The following ADAM7 variants were observed in gnomAD, a reference collection of about 807,000 sequenced individuals.
ADAM7 encodes disintegrin and metalloproteinase domain-containing protein 7.
ADAM7 carries 97 observed loss-of-function variants against 102.9 expected under a neutral mutation model. The observed-to-expected ratio is 0.94, with a 90% CI of 0.80 to 1.12. The LOEUF (loss-of-function observed/expected upper bound fraction) is 1.12, where lower values mean the gene tolerates loss of function less well. ADAM7 is among the 50% of genes most tolerant of loss of function. The pLI is 0.00. For missense variants in ADAM7, 991 were observed against 908.7 expected (o/e 1.09, Z -1.16); for synonymous variants, 334 against 304.4 (o/e 1.10, Z -1.01).
Position 24,493,974 on chromosome 8 carries a change from T to C in ADAM7, c.1842+745T>C, listed in dbSNP as rs150172639. ...GGTCCAAATTGGAAAGAGTTTTTTATGGCAAGATGACAACATTAGAATGCA... is the reference window on the plus strand; with the variant it reads ...GGTCCAAATTGGAAAGAGTTTTTTACGGCAAGATGACAACATTAGAATGCA... On this transcript the variant is annotated intron_variant, in intron 16 of 21. Transcript: ENST00000175238. Among the ~76,000 whole-genome samples, 7 of 152,310 alleles carry C rather than the reference T, an allele frequency of 4.6e-5. No homozygotes were observed. In the East Asian group the frequency reaches 9.6e-4, roughly 21 times the overall value.
chr8:24,507,590 A>G (rs113943429), intron 21 of ADAM7, 55 bp downstream of exon 21: 34 of 1,426,568 alleles, frequency 2.4e-5, no homozygotes, highest in African/African-American at 2.0e-4. Context: ...ATGCTGGCAT[A>G]GTTTTGTGTT....
rs1820945634 is a variant in ADAM7, at chr8:24,506,216, A to G, written c.2209-1264A>G. On this transcript the variant is annotated intron_variant, in intron 20 of 21. Transcript: ENST00000175238. ...TATGTCCTTTCCAATAATAATTTTC[A>G]TGAAACTTAATCATTTGTTGGTTCC... The G allele has an allele frequency of 3.1e-6, 4 of 1,290,372 alleles. No homozygotes were observed. In the South Asian group the frequency reaches 3.9e-5, roughly 13 times the overall value. 79.9% of individuals were successfully genotyped at this position (1,290,372 alleles called of 1,614,324 possible).
chr8:24,491,015 C>A, intron 13 of ADAM7, 127 bp downstream of exon 13: 2 of 862,148 alleles, frequency 2.3e-6, no homozygotes, highest in Non-Finnish European at 3.6e-6. Context: ...TGCAAGTACC[C>A]AACAGAGATT....
chr8:24,486,653 G>GC (rs1432744603), intron 10 of ADAM7, among the ~76,000 whole-genome samples: 4 of 152,122 alleles, frequency 2.6e-5, no homozygotes, highest in Non-Finnish European at 5.9e-5. Flanking sequence ...GTCTGGTGAA[G>GC]CCCTGTCTGG....
At chr8:24,467,917 G>A (rs565563815) in intron 6 of ADAM7, among the ~76,000 whole-genome samples, 2 of 151,656 alleles carry the variant, frequency 1.3e-5, no homozygotes, top group African/African-American at 4.8e-5. Context: ...TACAAAATTT[G>A]GCCAGGCAGT....
chr8:24,446,359 T>C (rs1184910073), intron 2 of ADAM7, among the ~76,000 whole-genome samples: 3 of 152,214 alleles, frequency 2.0e-5, no homozygotes, highest in Admixed American at 6.5e-5. Flanking sequence ...AAAATATTTG[T>C]ATTAATCATA....
At chr8:24,507,387 A>C (rs1053037973) in intron 20 of ADAM7, 93 bp from the exon 21 acceptor site, 10 of 991,598 alleles carry the variant, frequency 1.0e-5, no homozygotes, top group Non-Finnish European at 1.6e-6. Flanking sequence ...GTATGTGCTC[A>C]TGTGTATGTG....
At chr8:24,451,591 A>G (rs1183134014) in intron 3 of ADAM7, among the ~76,000 whole-genome samples, 5 of 152,036 alleles carry the variant, frequency 3.3e-5, no homozygotes, top group African/African-American at 4.8e-5. Context: ...TGATCCTTTC[A>G]AAAAACCAGC....
intron 17 of ADAM7, 84 bp from the exon 18 acceptor site, chr8:24,500,094 T>C (rs1820703406): frequency 8.3e-7 from 1 of 1,200,250 alleles, no homozygotes. Context: ...GTATGTTTGA[T>C]GTAGAGGTAG....
chr8:24,500,050 C>T (rs1050542342), intron 17 of ADAM7, 128 bp from the exon 18 acceptor site: 17 of 615,352 alleles, frequency 2.8e-5, no homozygotes, highest in Non-Finnish European at 3.7e-5. Flanking sequence ...GTTTAATAAA[C>T]GAATAAAAAG....
chr8:24,445,028 TTAA>T (rs1314778036), intron 2 of ADAM7, among the ~76,000 whole-genome samples: 13 of 152,174 alleles, frequency 8.5e-5, no homozygotes, highest in Non-Finnish European at 1.8e-4. Context: ...AAAAACAGTA[TTAA>T]TGACACAATT....
In ADAM7 at chr8:24,496,055, G is replaced by T. The variant is rs955132075; in HGVS notation, c.1842+2826G>T. On this transcript the variant is annotated intron_variant, in intron 16 of 21. Transcript: ENST00000175238. ...TAGGAGAAAATGGTTTAGTGGGCCA[G>T]GCCCAGGGTCCCCGTGCTGTGTGCA... is the stretch of plus-strand genomic sequence containing the variant. Among the ~76,000 whole-genome samples the T allele has an allele frequency of 2.6e-5, 4 of 152,314 alleles. No individual in the cohort carries two copies. The South Asian group carries it at 8.3e-4, about 32-fold the overall frequency.
intron 10 of ADAM7, among the ~76,000 whole-genome samples, chr8:24,486,551 A>G (rs537442363): frequency 1.3e-5 from 2 of 152,268 alleles, no homozygotes; most frequent in South Asian, 4.1e-4. Flanking sequence ...TAGCTGCTGT[A>G]ACAAAATATC....
Position 24,472,255 on chromosome 8 carries a change from A to G in ADAM7, c.633+3435A>G, listed in dbSNP as rs144995483. 2.8e-3 allele frequency among the ~76,000 whole-genome samples: 423 copies of G among 152,104 alleles called. 2 individuals carry two copies. The highest frequency in any genetic ancestry group is 1.0e-2 in the African/African-American group (415 of 41,562). ...TTTGAACCACATAAATGCAAGTTTCATTTAACCAACTGATATACTACCTTG... is the reference window on the plus strand; with the variant it reads ...TTTGAACCACATAAATGCAAGTTTCGTTTAACCAACTGATATACTACCTTG... On this transcript the variant is annotated intron_variant, in intron 7 of 21. Transcript: ENST00000175238.
At chr8:24,506,897 G>T (rs1302318804) in intron 20 of ADAM7, among the ~76,000 whole-genome samples, 1 of 152,024 alleles carries the variant, frequency 6.6e-6, no homozygotes, top group East Asian at 1.9e-4. Context: ...AGAACTGGGC[G>T]CTGAATACAC....
intron 6 of ADAM7, chr8:24,467,318 A>ATT (rs150576808): frequency 1.8e-3 from 583 of 332,990 alleles, no homozygotes; most frequent in Non-Finnish European, 2.5e-3. Flanking sequence ...CTTCCCTGCC[A>ATT]TTTTTTTTTG....
At chr8:24,503,003 T>G (rs1195269620) in intron 20 of ADAM7, among the ~76,000 whole-genome samples, 1 of 152,144 alleles carries the variant, frequency 6.6e-6, no homozygotes, top group African/African-American at 2.4e-5. Flanking sequence ...TCATGATGAA[T>G]GATAATGCAT....
intron 3 of ADAM7, among the ~76,000 whole-genome samples, chr8:24,452,103 G>C (rs1304833413): frequency 6.6e-6 from 1 of 151,450 alleles, no homozygotes; most frequent in Admixed American, 6.6e-5. Flanking sequence ...GTGTGGTGTG[G>C]TGCTGAAAAA....
intron 3 of ADAM7, among the ~76,000 whole-genome samples, chr8:24,454,770 C>T (rs542021953): frequency 2.8e-4 from 42 of 152,154 alleles, no homozygotes; most frequent in African/African-American, 7.7e-4. Flanking sequence ...AGCTGTAGAC[C>T]GGAGCTGTTC....
Sources: allele counts gnomAD v4.1 joint callset (sites outside exome capture counted in the v4.1 genomes callset), GRCh38; gene constraint gnomAD v4.1.1; transcripts MANE v1.5; gene names NCBI Gene and HGNC (gene_info 2026-07-23, HGNC 2026-07-21).